NPHP4: variants seen among roughly 807,000 people sequenced by gnomAD.
NPHP4 encodes nephrocystin-4.
NPHP4 carries 151 observed loss-of-function variants against 155.8 expected under a neutral mutation model. The ratio of observed to expected loss-of-function variants is 0.97; its 90% CI spans 0.85 to 1.11. The LOEUF (loss-of-function observed/expected upper bound fraction) is 1.11. Ranked by LOEUF, NPHP4 falls within the 50% of genes least tolerant of loss-of-function variation. The probability of loss-of-function intolerance (pLI) is 0.00; values close to 1 mark genes in which losing one functional copy is unlikely to be tolerated. For missense variants in NPHP4, 1,956 were observed against 1,925.7 expected, an observed-to-expected ratio of 1.02 and a Z score of -0.29; for synonymous variants, 845 against 816.8, an observed-to-expected ratio of 1.03 and a Z score of -0.59.
Position 5,863,336 on chromosome 1 carries a change from T to C in NPHP4, c.4210A>G (p.Ile1404Val), listed in dbSNP as rs750855895. The change falls in exon 30 of 30, where the codon ATC becomes GTC. Residue 1404 changes from isoleucine (I) to valine (V), a missense_variant. Transcript: ENST00000378156. The part of the protein sequence containing the change: ...APSQRVGEEE[I>V]LIYINDHEDK... The stretch of plus-strand genomic sequence containing the variant: ...TCATGGTCATTGATGTAGATCAGGA[T>C]CTCCTCCTCACCCACTCTCTGACTA... 1.2e-6 allele frequency: 2 copies of C among 1,613,900 alleles called. No individual in the cohort carries two copies. The highest frequency in any genetic ancestry group is 3.3e-4 in the Middle Eastern group (2 of 6,062).
chr1:5,960,935 A>C (rs1236711030), intron 6 of NPHP4, among the ~76,000 whole-genome samples: 1 of 152,178 alleles, frequency 6.6e-6, no homozygotes, highest in East Asian at 1.9e-4. Flanking sequence ...CAGAAGGCGG[A>C]AGGCTCAAGT....
At chr1:5,964,731 CAA>C (rs1235770890) in intron 5 of NPHP4, among the ~76,000 whole-genome samples, 1 of 151,354 alleles carries the variant, frequency 6.6e-6, no homozygotes, top group Non-Finnish European at 1.5e-5. Flanking sequence ...GCAGCCGACA[CAA>C]AGTGGGAAAA....
chr1:5,978,087 A>C (rs971944952), intron 3 of NPHP4, among the ~76,000 whole-genome samples, 183 bp downstream of exon 3: 2 of 151,724 alleles, frequency 1.3e-5, no homozygotes, highest in African/African-American at 4.8e-5. Context: ...TGGCTTCCAC[A>C]TAAGATTTTG....
Position 5,867,256 on chromosome 1 carries a change from C to A in NPHP4, c.3473-141G>T. ...ACACCTGCTGGGGAAACGGACGCCGCCACCTTTCCCAGGACAGCATCCAAG... is the reference window on the plus strand; with the variant it reads ...ACACCTGCTGGGGAAACGGACGCCGACACCTTTCCCAGGACAGCATCCAAG... On this transcript the variant is annotated intron_variant, in intron 24 of 29. Transcript: ENST00000378156. This position sits in a 1 kb window ranked among gnomAD's most constrained non-coding sequence, Gnocchi z 4.1. 1.6e-6 allele frequency: 1 copy of A among 637,246 alleles called. No individual in the cohort carries two copies. The highest frequency in any genetic ancestry group is 1.9e-5 in the South Asian group (1 of 51,924). 39.5% of individuals were successfully genotyped at this position (637,246 alleles called of 1,614,324 possible). A position where few individuals can be genotyped will look rare whatever the true frequency, so the allele number is the denominator to read the frequency against.
At position 5,952,559 on chromosome 1, in the gene NPHP4, G is replaced by GGCCCCC; in HGVS notation, c.810+140_810+141insGGGGGC. On this transcript the variant is annotated intron_variant, in intron 7 of 29. Coordinates refer to ENST00000378156, the MANE Select transcript of NPHP4 (RefSeq NM_015102.5). ...CAGCATCAGATGCGGGGTCTCCCCT[G>GGCCCCC]CCCCACCCACCCCTACCCTGCCCCA... The GGCCCCC allele has an allele frequency of 4.7e-5, 3 of 64,224 alleles. No homozygotes were observed. The South Asian group carries it at 1.1e-3, about 24-fold the overall frequency. The allele number at this position is 64,224 out of a possible 1,614,324, so 4.0% of individuals were successfully genotyped here.
intron 27 of NPHP4, 26 bp downstream of exon 27, chr1:5,865,076 C>G (rs983649420): frequency 1.2e-6 from 2 of 1,609,620 alleles, no homozygotes; most frequent in Non-Finnish European, 1.7e-6. Context: ...GGGAGAGGCT[C>G]AGAACAGCCC....
chr1:5,905,409 T>C lies in NPHP4; in HGVS notation c.1838A>G (p.Asn613Ser), dbSNP rs1557699489. The C allele has an allele frequency of 1.9e-6, 3 of 1,613,342 alleles. No homozygotes were observed. The highest frequency in any genetic ancestry group is 1.7e-6 in the Non-Finnish European group (2 of 1,179,292). The change falls in exon 15 of 30, where the codon AAT becomes AGT. Residue 613 changes from asparagine to serine, a missense_variant. Physicochemically the swap from Asn to Ser is conservative, Grantham distance 46. Coordinates refer to ENST00000378156, the MANE Select transcript of NPHP4 (RefSeq NM_015102.5). This position sits in a 1 kb window ranked among gnomAD's most constrained non-coding sequence, Gnocchi z 4.0. Reference protein sequence around the residue: ...SSGFPEILDANKQPAEAVSAT... With the variant: ...SSGFPEILDASKQPAEAVSAT... ...GCTGACAGCCTCGGCTGGCTGTTTA[T>C]TGGCATCCAGAATCTCGGGAAAGCC...
intron 25 of NPHP4, 123 bp from the exon 26 acceptor site, chr1:5,866,581 CATGTTCT>C (rs1347647926): frequency 1.5e-6 from 1 of 670,826 alleles, no homozygotes; most frequent in Non-Finnish European, 2.8e-6. Context: ...CGCATCTGTT[CATGTTCT>C]ATACCAATCG....
intron 2 of NPHP4, among the ~76,000 whole-genome samples, chr1:5,983,719 A>G (rs1029952635): frequency 6.6e-6 from 1 of 152,148 alleles, no homozygotes; most frequent in African/African-American, 2.4e-5. Context: ...GGCCCCTAAC[A>G]CAAGTGCATA....
intron 11 of NPHP4, among the ~76,000 whole-genome samples, chr1:5,913,748 T>C (rs1228558595): frequency 6.6e-6 from 1 of 152,224 alleles, no homozygotes; most frequent in African/African-American, 2.4e-5. Context: ...CTCAGCACTG[T>C]GGGTGAGTTG....
At position 5,875,010 on chromosome 1, in the gene NPHP4, G is replaced by A. The variant is rs773823107; in HGVS notation, c.2908C>T (p.Leu970=). 4 of 1,611,718 alleles carry A rather than the reference G, an allele frequency of 2.5e-6. No homozygotes were observed. The South Asian group carries it at 4.4e-5, about 18-fold the overall frequency. The change falls in exon 21 of 30, where the codon CTG becomes TTG. Residue 970 remains leucine (L), a synonymous_variant. Transcript: ENST00000378156. ...TCCGTGGTGATGGCCAGGCTCAGCA[G>A]GCTGGCGATGCTCTCGGCCTTCGTG... ...ERTKAESIAS[L]LSLAITTEHT...
rs1557579954 is a variant in NPHP4, at chr1:5,864,331, T to C, written c.3996+7A>G. On this transcript the variant is annotated splice_region_variant and intron_variant, in intron 28 of 29. Transcript: ENST00000378156. Reference sequence around the variant, plus strand: ...CCCCTCAGCCTGTGCCTGCCACACATACAGACCTTGGAGATGAGCGGCTGG... The same window carrying C: ...CCCCTCAGCCTGTGCCTGCCACACACACAGACCTTGGAGATGAGCGGCTGG... 6.2e-7 allele frequency: 1 copy of C among 1,600,700 alleles called. No individual in the cohort carries two copies. Among genetic ancestry groups the C allele is most frequent in the East Asian group, 2.2e-5 (1 of 44,592 alleles).
chr1:5,864,839 T>C, intron 27 of NPHP4: 1 of 544,694 alleles, frequency 1.8e-6, no homozygotes, highest in Non-Finnish European at 3.3e-6. Context: ...GTGGCTTCAC[T>C]AACACCAGAG....
rs1655479465 is a variant in NPHP4 at position 5,986,291 on chromosome 1, C to T, written c.-2G>A. 1 of 1,613,512 alleles carries T rather than the reference C, an allele frequency of 6.2e-7. No homozygotes were observed. ...GAAGATCCTGTGCCAGTCGTTCATCCTGCCCGCCTGAGGGTCCCGTGGGCT... is the reference window on the plus strand; with the variant it reads ...GAAGATCCTGTGCCAGTCGTTCATCTTGCCCGCCTGAGGGTCCCGTGGGCT... On this transcript the variant is annotated 5_prime_UTR_variant, in exon 2 of 30. Transcript: ENST00000378156.
At chr1:5,939,144 A>C (rs1646695849) in intron 9 of NPHP4, among the ~76,000 whole-genome samples, 1 of 152,210 alleles carries the variant, frequency 6.6e-6, no homozygotes, top group Non-Finnish European at 1.5e-5. Flanking sequence ...CTCGGGGCAA[A>C]CTGGAAAAGG....
chr1:5,877,297 T>G lies in NPHP4; in HGVS notation c.2613A>C (p.Arg871=). The G allele has an allele frequency of 6.3e-7, 1 of 1,590,440 alleles. No homozygotes were observed. Among genetic ancestry groups the G allele is most frequent in the Non-Finnish European group, 8.6e-7 (1 of 1,162,284 alleles). ...GSLLTTGSSR[R]KHVVQAQKLA... ...GCTTCTGTGCTTGCACCACGTGTTT[T>G]CCTGCGAAAGGGTCAGAGCGCGAGT... The change falls in exon 20 of 30, where the codon CGA becomes CGC. Residue 871 remains arginine, a splice_region_variant and synonymous_variant. Transcript: ENST00000378156.
At chr1:5,979,684 G>A (rs748018899) in intron 2 of NPHP4, among the ~76,000 whole-genome samples, 13 of 152,042 alleles carry the variant, frequency 8.6e-5, no homozygotes, top group African/African-American at 2.7e-4. Context: ...CACCACACCC[G>A]GCTAATTTTT....
chr1:5,964,941 A>ATATTT lies in NPHP4; in HGVS notation c.517+2357_517+2358insAAATA. On this transcript the variant is annotated intron_variant, in intron 5 of 29. Transcript: ENST00000378156. ...ATTATATATATATATATATATATAT[A>ATATTT]TTTTTTTTTTTTGAGGCAGGGTCTC... Among the ~76,000 whole-genome samples, 64 of 59,406 alleles carry ATATTT rather than the reference A, an allele frequency of 1.1e-3. 2 individuals are homozygous for ATATTT. Among genetic ancestry groups the ATATTT allele is most frequent in the Middle Eastern group, 0.013 (1 of 78 alleles). 39.0% of individuals were successfully genotyped at this position (59,406 alleles called of 152,430 possible). A position where few individuals can be genotyped will look rare whatever the true frequency, so the allele number is the denominator to read the frequency against.
intron 18 of NPHP4, among the ~76,000 whole-genome samples, chr1:5,883,404 G>C (rs1643486297): frequency 6.6e-6 from 1 of 152,190 alleles, no homozygotes; most frequent in Non-Finnish European, 1.5e-5. Flanking sequence ...ACATGATGGG[G>C]AGAAAGTGCC....
Sources: gnomAD v4.1 joint callset for allele counts (sites outside exome capture counted in the v4.1 genomes callset) on GRCh38, gnomAD v4.1.1 for gene constraint, Gnocchi (gnomAD v3.1) non-coding constraint, MANE v1.5 for transcripts, NCBI Gene and HGNC (gene_info 2026-07-23, HGNC 2026-07-21) for gene names.